The following ARHGEF28 variants were observed in gnomAD, a reference collection of about 807,000 sequenced individuals.
ARHGEF28 encodes Rho guanine nucleotide exchange factor 28, also known as 190 kDa guanine nucleotide exchange factor.
In ARHGEF28, 152 loss-of-function variants were observed where a neutral mutation model predicts 206.6. The ratio of observed to expected loss-of-function variants is 0.74; its 90% confidence interval spans 0.64 to 0.84. ARHGEF28 has a LOEUF of 0.84. ARHGEF28 is among the 40% of genes least tolerant of loss of function. ARHGEF28 has a pLI of 0.00. For synonymous variants in ARHGEF28, 763 were observed against 776.4 expected (o/e 0.98, Z 0.29); for missense variants, 2,028 against 2,073.2 (o/e 0.98, Z 0.42).
At chr5:73,918,618 A>T (rs1001355699) in intron 35 of ARHGEF28, among the ~76,000 whole-genome samples, 1 of 152,156 alleles carries the variant, frequency 6.6e-6, no homozygotes, top group Non-Finnish European at 1.5e-5. Flanking sequence ...TAAATTCAGG[A>T]AGAGATAGCT....
At position 73,806,778 on chromosome 5, in the gene ARHGEF28, C is replaced by T. The variant is rs191381318; in HGVS notation, c.1024+11387C>T. Among the ~76,000 whole-genome samples the T allele has an allele frequency of 5.3e-3, 736 of 137,840 alleles. 75 individuals carry two copies. The highest frequency in any genetic ancestry group is 0.019 in the African/African-American group (680 of 36,542). 90.4% of individuals were successfully genotyped at this position (137,840 alleles called of 152,430 possible). A position where few individuals can be genotyped will look rare whatever the true frequency, so the allele number is the denominator to read the frequency against. ...GATATATCGTATACATCTATATGTG[C>T]CATATATATGATATATCGTATACAT... is the stretch of plus-strand genomic sequence containing the variant. On this transcript the variant is annotated intron_variant, in intron 9 of 35. Transcript: ENST00000513042.
chr5:73,658,997 A>C (rs1233656176), intron 1 of ARHGEF28, among the ~76,000 whole-genome samples: 1 of 150,996 alleles, frequency 6.6e-6, no homozygotes, highest in Non-Finnish European at 1.5e-5. Flanking sequence ...ACACACACAC[A>C]CACACACACC....
intron 9 of ARHGEF28, among the ~76,000 whole-genome samples, chr5:73,803,047 A>G (rs76559184): frequency 0.054 from 8,145 of 152,162 alleles, 286 homozygotes; most frequent in African/African-American, 0.096. Context: ...GGTACAATTT[A>G]CTTTACCTTT....
chr5:73,934,363 TTC>T (rs1764302074), intron 35 of ARHGEF28, among the ~76,000 whole-genome samples: 1 of 151,684 alleles, frequency 6.6e-6, no homozygotes, highest in African/African-American at 2.4e-5. Context: ...CAATGTCTGT[TTC>T]TCTTTTTGTG....
At chr5:73,938,161 C>T (rs1041174432) in intron 35 of ARHGEF28, among the ~76,000 whole-genome samples, 91 of 1,610 alleles carry the variant, frequency 0.057, no homozygotes, top group African/African-American at 0.17. Context: ...TACACTACAC[C>T]ACACACACAC....
At chr5:73,723,086 G>A (rs1318401356) in intron 2 of ARHGEF28, among the ~76,000 whole-genome samples, 3 of 152,190 alleles carry the variant, frequency 2.0e-5, no homozygotes, top group Non-Finnish European at 4.4e-5. Flanking sequence ...AGAGATTAAT[G>A]TAATTGTGGT....
At chr5:73,682,692 G>A (rs774514278) in intron 1 of ARHGEF28, among the ~76,000 whole-genome samples, 9 of 152,188 alleles carry the variant, frequency 5.9e-5, no homozygotes, top group Non-Finnish European at 1.2e-4. Flanking sequence ...CATTACAGGT[G>A]TGAGCCACCA....
At chr5:73,891,086 A>G (rs1451073956) in intron 26 of ARHGEF28, among the ~76,000 whole-genome samples, 1 of 152,172 alleles carries the variant, frequency 6.6e-6, no homozygotes, top group Non-Finnish European at 1.5e-5. Context: ...ACATTTATTG[A>G]GTGCCTACTC....
intron 1 of ARHGEF28, among the ~76,000 whole-genome samples, chr5:73,654,339 G>GC (rs1745034366): frequency 6.6e-6 from 1 of 152,190 alleles, no homozygotes; most frequent in African/African-American, 2.4e-5. Flanking sequence ...ATGGCCTGAG[G>GC]CACTCGAGGG....
chr5:73,670,723 T>C (rs984602568), intron 1 of ARHGEF28, among the ~76,000 whole-genome samples: 1 of 152,262 alleles, frequency 6.6e-6, no homozygotes, highest in Non-Finnish European at 1.5e-5. Flanking sequence ...GTGATTTTAA[T>C]TTCCATTTCC....
At chr5:73,662,826 G>T (rs572850648) in intron 1 of ARHGEF28, among the ~76,000 whole-genome samples, 23 of 152,276 alleles carry the variant, frequency 1.5e-4, no homozygotes, top group African/African-American at 5.5e-4. Context: ...CTAGAATGTA[G>T]GAACCTGCCT....
chr5:73,840,333 T>A, intron 10 of ARHGEF28, 147 bp from the exon 11 acceptor site: 2 of 714,132 alleles, frequency 2.8e-6, no homozygotes, highest in East Asian at 5.5e-5. Context: ...CAGGCTAGTC[T>A]TGAACTCCTG....
At chr5:73,877,627 GTTCTTGTTGGTTT>G (rs1760609702) in intron 22 of ARHGEF28, among the ~76,000 whole-genome samples, 3 of 148,918 alleles carry the variant, frequency 2.0e-5, no homozygotes, top group Admixed American at 1.3e-4. Flanking sequence ...TTGTGTCTTT[GTTCTTGTTGGTTT>G]CAAAGAACAT....
chr5:73,685,433 C>T (rs1747400800), intron 2 of ARHGEF28, among the ~76,000 whole-genome samples: 1 of 151,974 alleles, frequency 6.6e-6, no homozygotes, highest in African/African-American at 2.4e-5. Context: ...CAGATTGTTT[C>T]CTCACACAGA....
chr5:73,637,423 G>A (rs1743795620), intron 1 of ARHGEF28, among the ~76,000 whole-genome samples: 2 of 152,154 alleles, frequency 1.3e-5, no homozygotes, highest in Admixed American at 1.3e-4. Flanking sequence ...ATTTTATGTA[G>A]TTCCTACCTA....
chr5:73,786,784 GA>G lies in ARHGEF28; in HGVS notation c.910+6041del, dbSNP rs1754184624. Among the ~76,000 whole-genome samples the G allele has an allele frequency of 3.9e-5, 6 of 152,294 alleles. No homozygotes were observed. The South Asian group carries it at 1.2e-3, about 32-fold the overall frequency. On this transcript the variant is annotated intron_variant, in intron 7 of 35. Transcript: ENST00000513042. ...GTATTGAACATAGTGGATGTTTACT[GA>G]ATGATGTCTAATCATGAGTGCAAGT...
At chr5:73,874,355 T>G (rs1386613802) in intron 22 of ARHGEF28, among the ~76,000 whole-genome samples, 2 of 152,170 alleles carry the variant, frequency 1.3e-5, no homozygotes, top group Non-Finnish European at 2.9e-5. Flanking sequence ...GAAGTCTAGT[T>G]TATTTTTCCT....
At chr5:73,824,765 A>C (rs908804194) in intron 9 of ARHGEF28, among the ~76,000 whole-genome samples, 2 of 138,288 alleles carry the variant, frequency 1.4e-5, no homozygotes, top group Non-Finnish European at 3.3e-5. Context: ...ACTGCGCCAG[A>C]CCTGAAGATG....
At chr5:73,641,955 T>C (rs986886638) in intron 1 of ARHGEF28, among the ~76,000 whole-genome samples, 1 of 152,248 alleles carries the variant, frequency 6.6e-6, no homozygotes, top group Admixed American at 6.5e-5. Context: ...CTATTCCTGC[T>C]TTGCAGATAA....
Sources: allele counts gnomAD v4.1 joint callset (sites outside exome capture counted in the v4.1 genomes callset), GRCh38; gene constraint gnomAD v4.1.1; transcripts MANE v1.5; gene names NCBI Gene and HGNC (gene_info 2026-07-23, HGNC 2026-07-21).